SHANK2: variants seen among roughly 807,000 people sequenced by gnomAD.
SHANK2 encodes SH3 and multiple ankyrin repeat domains 2.
SHANK2 carries 43 observed loss-of-function variants against 133.7 expected under a neutral mutation model. The observed-to-expected ratio is 0.32, with a 90% CI of 0.25 to 0.41. SHANK2 has a LOEUF of 0.41. Among genes scored for constraint, SHANK2 ranks in the 10% least tolerant of loss-of-function variants. SHANK2 has a pLI of 1.00. For synonymous variants in SHANK2, 1,017 were observed against 952.8 expected, an observed-to-expected ratio of 1.07 and a Z score of -1.24; for missense variants, 1,994 against 2,235.8, an observed-to-expected ratio of 0.89 and a Z score of 2.18.
rs868977482 is a variant in SHANK2 at position 71,215,324 on chromosome 11, C to A, written c.-13+9373G>T. ...GCCCCCTGCGTCTGTACTTTTGAGG[C>A]CTCCCTGGCTCCCCTCACCCTGTCT... On this transcript the variant is annotated intron_variant, in intron 2 of 25. Transcript: ENST00000601538. 3.9e-5 allele frequency among the ~76,000 whole-genome samples: 6 copies of A among 152,256 alleles called. 1 individual carries two copies. In the Middle Eastern group the frequency reaches 0.021, roughly 521 times the overall value.
chr11:70,922,153 G>A (rs1167261319), intron 10 of SHANK2, among the ~76,000 whole-genome samples: 2 of 152,160 alleles, frequency 1.3e-5, no homozygotes, highest in Non-Finnish European at 2.9e-5. Context: ...GACCTCAAAG[G>A]TAGGCTTAAG....
At chr11:71,117,271 C>G (rs1346734334) in intron 4 of SHANK2, among the ~76,000 whole-genome samples, 1 of 152,168 alleles carries the variant, frequency 6.6e-6, no homozygotes, top group African/African-American at 2.4e-5. Context: ...CCACCTTCCT[C>G]GGCCTCCCAA....
At chr11:71,092,732 TC>T in intron 7 of SHANK2, 143 bp from the exon 8 acceptor site, 2 of 761,882 alleles carry the variant, frequency 2.6e-6, no homozygotes, top group Non-Finnish European at 4.2e-6. Context: ...TCTCCTGGGC[TC>T]CCCAGAATTA....
At chr11:70,730,859 A>T in intron 14 of SHANK2, among the ~76,000 whole-genome samples, 1 of 142,748 alleles carries the variant, frequency 7.0e-6, no homozygotes, top group Non-Finnish European at 1.5e-5. Flanking sequence ...TTTAGGTGAA[A>T]TTTACAAAAC....
rs138351235 is a variant in SHANK2 at position 70,602,254 on chromosome 11, G to A, written c.2061+57574C>T. ...TGCTTCTTGTACAGCCTGCAGAACT[G>A]TGAGCCAATTACACCTCTTTTCTTA... On this transcript the variant is annotated intron_variant, in intron 17 of 25. Transcript: ENST00000601538. Among the ~76,000 whole-genome samples, 20 of 152,310 alleles carry A rather than the reference G, an allele frequency of 1.3e-4. No homozygotes were observed. In the East Asian group the frequency reaches 3.5e-3, roughly 26 times the overall value.
chr11:70,642,740 G>A (rs1555006815), intron 17 of SHANK2, among the ~76,000 whole-genome samples: 2 of 152,196 alleles, frequency 1.3e-5, no homozygotes, highest in Admixed American at 1.3e-4. Context: ...TGCTGAAGAG[G>A]TGAAGATGAC....
chr11:70,471,642 A>C lies in SHANK2; in HGVS notation c.*1227T>G. The C allele has an allele frequency of 2.7e-6, 1 of 371,410 alleles. No homozygotes were observed. Among genetic ancestry groups the C allele is most frequent in the Non-Finnish European group, 4.8e-6 (1 of 209,862 alleles). The allele number at this position is 371,410 out of a possible 1,614,324, so 23.0% of individuals were successfully genotyped here. The stretch of plus-strand genomic sequence containing the variant: ...ATACTCCATACCCACTGGGTCCTCA[A>C]AGAAGCTGTTGTACTGTTAAGACAA... On this transcript the variant is annotated 3_prime_UTR_variant, in exon 26 of 26. Transcript: ENST00000601538. The surrounding 1 kb of genome is among the most constrained non-coding windows in gnomAD (Gnocchi z 4.1).
At chr11:71,168,082 G>A (rs1953220329) in intron 2 of SHANK2, among the ~76,000 whole-genome samples, 1 of 142,272 alleles carries the variant, frequency 7.0e-6, no homozygotes, top group East Asian at 2.0e-4. Context: ...GCGGTTGCCG[G>A]GCGGAGGGGC....
At chr11:71,207,905 CCT>C (rs1163486315) in intron 2 of SHANK2, among the ~76,000 whole-genome samples, 3 of 152,088 alleles carry the variant, frequency 2.0e-5, no homozygotes, top group African/African-American at 7.2e-5. Flanking sequence ...GAAAAGAATT[CCT>C]CTGTGTTCCT....
intron 17 of SHANK2, among the ~76,000 whole-genome samples, chr11:70,641,510 GC>G (rs2061182203): frequency 6.6e-6 from 1 of 152,220 alleles, no homozygotes; most frequent in African/African-American, 2.4e-5. Context: ...AAGACCGCCT[GC>G]CCCAGCCTCC....
intron 17 of SHANK2, among the ~76,000 whole-genome samples, chr11:70,509,514 G>A (rs2059174243): frequency 6.6e-6 from 1 of 152,248 alleles, no homozygotes; most frequent in Non-Finnish European, 1.5e-5. Context: ...CTGGCATGTA[G>A]CTCTGAGTCT....
intron 8 of SHANK2, among the ~76,000 whole-genome samples, chr11:71,089,769 T>C (rs1264446363): frequency 6.6e-6 from 1 of 152,124 alleles, no homozygotes; most frequent in Non-Finnish European, 1.5e-5. Context: ...GGCCAGGGAA[T>C]GAGCGTGGCC....
chr11:70,727,339 A>C (rs1946198325), intron 14 of SHANK2, among the ~76,000 whole-genome samples: 1 of 152,244 alleles, frequency 6.6e-6, no homozygotes, highest in South Asian at 2.1e-4. Flanking sequence ...AATACTTCAC[A>C]TATGAACTGC....
At chr11:71,147,383 A>G (rs781862385) in intron 2 of SHANK2, 45 bp from the exon 3 acceptor site, 146 of 1,488,412 alleles carry the variant, frequency 9.8e-5, no homozygotes, top group Non-Finnish European at 1.2e-4. Context: ...AGATGTGAAA[A>G]TGAAAGAAAA....
intron 8 of SHANK2, among the ~76,000 whole-genome samples, chr11:71,080,603 T>C (rs1237027684): frequency 6.6e-6 from 1 of 152,106 alleles, no homozygotes; most frequent in African/African-American, 2.4e-5. Context: ...AACAAAATTG[T>C]TCCCAACCAC....
chr11:70,665,661 T>C (rs561155031), intron 15 of SHANK2, among the ~76,000 whole-genome samples: 1 of 152,326 alleles, frequency 6.6e-6, no homozygotes, highest in Admixed American at 6.5e-5. Flanking sequence ...CAGACAGACA[T>C]GGGTTTGAAT....
At chr11:70,838,413 G>A (rs538127134) in intron 11 of SHANK2, among the ~76,000 whole-genome samples, 18 of 152,246 alleles carry the variant, frequency 1.2e-4, no homozygotes, top group South Asian at 2.1e-4. Flanking sequence ...TTGTTATGTC[G>A]GAGAGACTCT....
intron 12 of SHANK2, among the ~76,000 whole-genome samples, chr11:70,814,133 G>C (rs190484672): frequency 6.6e-6 from 1 of 152,134 alleles, no homozygotes; most frequent in Admixed American, 6.6e-5. Context: ...AGACCAGCCT[G>C]GCCAACATGG....
intron 21 of SHANK2, among the ~76,000 whole-genome samples, chr11:70,494,802 C>A (rs1261258354): frequency 6.6e-6 from 1 of 152,190 alleles, no homozygotes; most frequent in Non-Finnish European, 1.5e-5. Flanking sequence ...AGTGTCCGGG[C>A]AGCCAAATCT....
Sources: allele counts gnomAD v4.1 joint callset (sites outside exome capture counted in the v4.1 genomes callset), GRCh38; gene constraint gnomAD v4.1.1; non-coding constraint Gnocchi (gnomAD v3.1); transcripts MANE v1.5; gene names NCBI Gene and HGNC (gene_info 2026-07-23, HGNC 2026-07-21).